GPATCH1: variants seen among roughly 807,000 people sequenced by gnomAD.
GPATCH1 encodes the protein G-patch domain containing 1.
GPATCH1 carries 73 observed loss-of-function variants against 114.9 expected under a neutral mutation model. That is an observed-to-expected ratio of 0.64 (90% CI 0.53 to 0.77). GPATCH1 has a LOEUF of 0.77. GPATCH1 is among the 30% of genes least tolerant of loss of function. The pLI, the probability that GPATCH1 is intolerant of heterozygous loss-of-function variation, is 0.00. For synonymous variants in GPATCH1, 391 were observed against 428.4 expected (o/e 0.91, Z 1.08); for missense variants, 1,058 against 1,144.3 (o/e 0.92, Z 1.09).
intron 15 of GPATCH1, 75 bp downstream of exon 15, chr19:33,114,494 T>C (rs1180329018): frequency 5.1e-6 from 6 of 1,179,768 alleles, no homozygotes; most frequent in Non-Finnish European, 7.1e-6. Flanking sequence ...CACTTTCTCC[T>C]CGTGACTCAC....
chr19:33,114,393 C>G lies in GPATCH1; in HGVS notation c.2170C>G (p.His724Asp). ...CCCCTTAGTAAACAAAGAGGAAGAG[C>G]ATGCACCAGAATTATCCGCAAATCA... Reference protein sequence around the residue: ...SSPLVNKEEEHAPELSANQTV... With the variant: ...SSPLVNKEEEDAPELSANQTV... The change falls in exon 15 of 20, where the codon CAT becomes GAT. Residue 724 changes from histidine to aspartate, a missense_variant. His to Asp is a moderately conservative substitution (Grantham distance 81, BLOSUM62 -1). Around this residue, in one of 3 missense-constraint regions of GPATCH1, gnomAD observed 893 missense variants for 977.4 expected, o/e 0.91. Transcript: ENST00000170564. 1 of 1,605,700 alleles carries G rather than the reference C, an allele frequency of 6.2e-7. No homozygotes were observed. The highest frequency in any genetic ancestry group is 1.1e-5 in the South Asian group (1 of 89,902).
chr19:33,082,729 G>T (rs958040529), intron 1 of GPATCH1, among the ~76,000 whole-genome samples: 9 of 152,102 alleles, frequency 5.9e-5, no homozygotes, highest in African/African-American at 2.2e-4. Flanking sequence ...CTAGTCTTCC[G>T]AATGCTTTTT....
intron 5 of GPATCH1, 104 bp downstream of exon 5, chr19:33,094,373 C>T (rs535776275): frequency 3.9e-5 from 26 of 664,574 alleles, no homozygotes; most frequent in Admixed American, 1.7e-4. Flanking sequence ...TGCAGTGGTG[C>T]GATCCCGGCA....
chr19:33,125,150 A>G lies in GPATCH1; in HGVS notation c.2567A>G (p.Lys856Arg), dbSNP rs1973026410. The part of the protein sequence containing the change: ...LEVPQKEKHK[K>R]NKDKHKAKKE... ...GTTCCTCAAAAAGAGAAACATAAAA[A>G]GAACAAAGACAAGCACAAGGCCAAG... The change falls in exon 18 of 20, where the codon AAG becomes AGG. Residue 856 changes from lysine (K) to arginine (R), a missense_variant. Physicochemically the swap from Lys to Arg is conservative, Grantham distance 26. Coordinates refer to ENST00000170564, the MANE Select transcript of GPATCH1 (RefSeq NM_018025.3). 1 of 1,600,736 alleles carries G rather than the reference A, an allele frequency of 6.2e-7. No homozygotes were observed. The highest frequency in any genetic ancestry group is 8.5e-7 in the Non-Finnish European group (1 of 1,173,388).
chr19:33,117,778 T>C, intron 15 of GPATCH1, 47 bp from the exon 16 acceptor site: 1 of 1,362,720 alleles, frequency 7.3e-7, no homozygotes, highest in Non-Finnish European at 1.0e-6. Context: ...CTCCTCCCTT[T>C]TACCCTTGCC....
In GPATCH1 at chr19:33,119,137, G is replaced by C; in HGVS notation, c.2521+20G>C. 6.9e-7 allele frequency: 1 copy of C among 1,448,742 alleles called. No individual in the cohort carries two copies. 89.7% of individuals were successfully genotyped at this position (1,448,742 alleles called of 1,614,324 possible). On this transcript the variant is annotated intron_variant, in intron 17 of 19. Transcript: ENST00000170564. The stretch of plus-strand genomic sequence containing the variant: ...GCCCCAGTGAGTGCAGAGCCCTTTG[G>C]TTCGCCCATTTTTATCAGTGTGTGA...
intron 7 of GPATCH1, among the ~76,000 whole-genome samples, chr19:33,097,286 A>G (rs1972672543): frequency 6.6e-6 from 1 of 152,142 alleles, no homozygotes; most frequent in Admixed American, 6.5e-5. Flanking sequence ...CAGTCTTTTA[A>G]ACAAAAATGC....
chr19:33,117,054 G>C (rs1287751491), intron 15 of GPATCH1, among the ~76,000 whole-genome samples: 1 of 151,970 alleles, frequency 6.6e-6, no homozygotes, highest in East Asian at 1.9e-4. Flanking sequence ...AAACTAGTTG[G>C]GTGTGGTGGC....
At chr19:33,112,125 C>T (rs1247723698) in intron 12 of GPATCH1, among the ~76,000 whole-genome samples, 1 of 152,070 alleles carries the variant, frequency 6.6e-6, no homozygotes, top group African/African-American at 2.4e-5. Context: ...GCCACAACAG[C>T]CATCTAATTT....
chr19:33,093,510 C>T lies in GPATCH1; in HGVS notation c.446C>T (p.Thr149Met), dbSNP rs146466271. 9.3e-6 allele frequency: 15 copies of T among 1,611,550 alleles called. No homozygotes were observed. Among genetic ancestry groups the T allele is most frequent in the East Asian group, 4.5e-5 (2 of 44,878 alleles). ...PGATLLDDLI[T>M]PAKLSVGFEL... Reference sequence around the variant, plus strand: ...GCCACCCTCCTTGATGACCTCATAACGCCAGCAAAGTGAGCATTTCCTTCT... The same window carrying T: ...GCCACCCTCCTTGATGACCTCATAATGCCAGCAAAGTGAGCATTTCCTTCT... Residue 149 changes from threonine to methionine, a missense_variant, in exon 4 of 20, where the codon ACG becomes ATG. Physicochemically the swap from Thr to Met is moderately conservative, Grantham distance 81 (BLOSUM62 -1). This residue lies in a region of GPATCH1 where 893 missense variants were observed against 977.4 expected (regional missense o/e 0.91). Coordinates refer to ENST00000170564, the MANE Select transcript of GPATCH1 (RefSeq NM_018025.3).
chr19:33,119,071 T>C lies in GPATCH1; in HGVS notation c.2475T>C (p.Asp825=). The change falls in exon 17 of 20, where the codon GAT becomes GAC. Residue 825 remains aspartate, a synonymous_variant. Transcript: ENST00000170564. ...TCCCGATACAAAAGATGCAGATAGA[T>C]GAAAGAGAAGAGTTCGGCCCGCGGC... The part of the protein sequence containing the change: ...PSFPIQKMQI[D]EREEFGPRLP... The C allele has an allele frequency of 1.9e-6, 3 of 1,613,414 alleles. No individual in the cohort carries two copies. The highest frequency in any genetic ancestry group is 2.5e-6 in the Non-Finnish European group (3 of 1,179,752).
At chr19:33,093,592 A>G (rs200549163) in intron 4 of GPATCH1, 73 bp downstream of exon 4, 20 of 1,369,092 alleles carry the variant, frequency 1.5e-5, no homozygotes, top group Non-Finnish European at 1.9e-5. Context: ...TTGCTGAGGG[A>G]TAGTTTGATT....
intron 19 of GPATCH1, among the ~76,000 whole-genome samples, chr19:33,129,895 G>T (rs976254582): frequency 2.0e-5 from 3 of 150,078 alleles, no homozygotes; most frequent in Admixed American, 6.7e-5. Context: ...AGTGAGCTGA[G>T]ATCGCACCAC....
chr19:33,112,418 T>C, intron 12 of GPATCH1, 68 bp from the exon 13 acceptor site: 1 of 1,575,762 alleles, frequency 6.3e-7, no homozygotes, highest in Non-Finnish European at 8.7e-7. Context: ...CTTGAAAATT[T>C]TAAATGGGAG....
intron 2 of GPATCH1, among the ~76,000 whole-genome samples, chr19:33,089,151 C>T (rs909536269): frequency 2.6e-5 from 4 of 152,110 alleles, no homozygotes; most frequent in African/African-American, 7.2e-5. Flanking sequence ...TTGCCATTCA[C>T]GAAATACTCT....
At chr19:33,114,707 C>G (rs776371485) in intron 15 of GPATCH1, among the ~76,000 whole-genome samples, 1 of 151,596 alleles carries the variant, frequency 6.6e-6, no homozygotes, top group Non-Finnish European at 1.5e-5. Flanking sequence ...TTATAAGAAG[C>G]TGTCAAACTG....
rs1409600819 is a variant in GPATCH1 at position 33,130,296 on chromosome 19, T to A, written c.*136T>A. The A allele has an allele frequency of 9.2e-6, 5 of 544,772 alleles. No individual in the cohort carries two copies. The highest frequency in any genetic ancestry group is 6.5e-5 in the Admixed American group (2 of 30,638). The allele number at this position is 544,772 out of a possible 1,614,324, so 33.7% of individuals were successfully genotyped here. A position where few individuals can be genotyped will look rare whatever the true frequency, so the allele number is the denominator to read the frequency against. ...TAAAATAATTTTTAAAACCTTGACA[T>A]TTCAAAGACTGCCTTGAAAGGTCGC... On this transcript the variant is annotated 3_prime_UTR_variant, in exon 20 of 20. Coordinates refer to ENST00000170564, the MANE Select transcript of GPATCH1 (RefSeq NM_018025.3).
intron 11 of GPATCH1, 120 bp downstream of exon 11, chr19:33,110,136 TC>T: frequency 1.1e-6 from 1 of 872,488 alleles, no homozygotes; most frequent in Non-Finnish European, 1.7e-6. Context: ...TTTTGCTTTA[TC>T]CTGCTGCAAA....
intron 7 of GPATCH1, 30 bp downstream of exon 7, chr19:33,096,476 G>T: frequency 6.4e-7 from 1 of 1,560,364 alleles, no homozygotes; most frequent in Non-Finnish European, 8.7e-7. Context: ...TATAAAGGGG[G>T]AGTCATTGAT....
Sources: allele counts gnomAD v4.1 joint callset (sites outside exome capture counted in the v4.1 genomes callset), GRCh38; gene constraint gnomAD v4.1.1; regional missense constraint gnomAD v4.1.1; transcripts MANE v1.5; gene names NCBI Gene and HGNC (gene_info 2026-07-23, HGNC 2026-07-21).